Variants in MYO16 observed in about 807,000 individuals in gnomAD.
The protein encoded by MYO16 is unconventional myosin-XVI.
MYO16 carries 94 observed loss-of-function variants against 205.3 expected under a neutral mutation model. The observed-to-expected ratio is 0.46, with a 90% confidence interval of 0.39 to 0.54. MYO16 has a LOEUF of 0.54. Among genes scored for constraint, MYO16 ranks in the 20% least tolerant of loss-of-function variants. The pLI is 0.00. For synonymous variants in MYO16, 988 were observed against 954.0 expected (o/e 1.04, Z -0.66); for missense variants, 2,315 against 2,387.5 (o/e 0.97, Z 0.63).
At chr13:109,119,809 G>A (rs1275563516) in intron 28 of MYO16, among the ~76,000 whole-genome samples, 4 of 152,136 alleles carry the variant, frequency 2.6e-5, no homozygotes, top group Non-Finnish European at 5.9e-5. Context: ...GCTCAAAGAT[G>A]ACTTTCTCAT....
chr13:109,018,803 C>T (rs748157505), intron 22 of MYO16, among the ~76,000 whole-genome samples: 2 of 152,202 alleles, frequency 1.3e-5, no homozygotes, highest in Non-Finnish European at 2.9e-5. Flanking sequence ...CGCTCTGCTT[C>T]AGCTCACCCT....
chr13:108,640,716 G>A (rs1258628219), intron 1 of MYO16, among the ~76,000 whole-genome samples: 1 of 152,160 alleles, frequency 6.6e-6, no homozygotes, highest in East Asian at 1.9e-4. Context: ...AAGGCCATGT[G>A]TTGGGCCTGG....
the MYO16 span, among the ~76,000 whole-genome samples, chr13:108,551,992 G>A: frequency 6.6e-6 from 1 of 152,170 alleles, no homozygotes; most frequent in Admixed American, 6.5e-5. Flanking sequence ...AAATGGGCAA[G>A]TTAACTTCTA....
At chr13:108,785,533 C>G in intron 4 of MYO16, 102 bp from the exon 5 acceptor site, 1 of 606,936 alleles carries the variant, frequency 1.6e-6, no homozygotes, top group Admixed American at 3.3e-5. Flanking sequence ...CTACCGTAGA[C>G]TATTTCTGCA....
chr13:108,539,233 G>T, the MYO16 span, among the ~76,000 whole-genome samples: 1 of 152,044 alleles, frequency 6.6e-6, no homozygotes, highest in Non-Finnish European at 1.5e-5. Flanking sequence ...ATAATTTAAT[G>T]CTCAGACACA....
intron 16 of MYO16, among the ~76,000 whole-genome samples, chr13:108,947,737 G>A (rs563986644): frequency 6.6e-6 from 1 of 152,260 alleles, no homozygotes; most frequent in Admixed American, 6.5e-5. Context: ...TTGGCCATAC[G>A]ATCATTCACT....
intron 1 of MYO16, among the ~76,000 whole-genome samples, chr13:108,661,303 GCTT>G (rs1881490777): frequency 1.3e-5 from 2 of 151,990 alleles, no homozygotes; most frequent in African/African-American, 4.8e-5. Context: ...TGCTCTTTGT[GCTT>G]CTTCTATTTA....
At chr13:108,863,986 C>T (rs1429696032) in intron 11 of MYO16, among the ~76,000 whole-genome samples, 1 of 152,124 alleles carries the variant, frequency 6.6e-6, no homozygotes, top group Non-Finnish European at 1.5e-5. Context: ...ATACCATCTT[C>T]ATCTGTTTTT....
At chr13:109,008,027 A>G (rs1456117515) in intron 21 of MYO16, among the ~76,000 whole-genome samples, 1 of 152,148 alleles carries the variant, frequency 6.6e-6, no homozygotes, top group Non-Finnish European at 1.5e-5. Flanking sequence ...GCTCAAATAT[A>G]TTTGAGACTC....
the MYO16 span, among the ~76,000 whole-genome samples, chr13:108,537,709 G>A: frequency 1.1e-4 from 17 of 152,016 alleles, no homozygotes; most frequent in African/African-American, 2.7e-4. Flanking sequence ...ATTGTGACTG[G>A]TGTGAGATAG....
Position 109,022,670 on chromosome 13 carries a change from A to G in MYO16, c.2796+2759A>G, listed in dbSNP as rs148205268. Among the ~76,000 whole-genome samples the G allele has an allele frequency of 1.5e-3, 90 of 61,560 alleles. 8 individuals are homozygous for G. Among genetic ancestry groups the G allele is most frequent in the African/African-American group, 5.0e-3 (86 of 17,294 alleles). The allele number at this position is 61,560 out of a possible 152,430, so 40.4% of individuals were successfully genotyped here. On this transcript the variant is annotated intron_variant, in intron 23 of 34. Coordinates refer to ENST00000457511, the MANE Select transcript of MYO16 (RefSeq NM_001198950.3). Reference sequence around the variant, plus strand: ...AAACATATGTATATATTTATATATTATATATACACATATAAACATGTATAT... The same window carrying G: ...AAACATATGTATATATTTATATATTGTATATACACATATAAACATGTATAT...
intron 4 of MYO16, among the ~76,000 whole-genome samples, chr13:108,730,206 G>T (rs1318697654): frequency 1.3e-5 from 2 of 152,026 alleles, no homozygotes; most frequent in Non-Finnish European, 2.9e-5. Flanking sequence ...TTCTCATGAC[G>T]GTAAGTTCTC....
At chr13:108,608,825 G>A (rs1342077114) in intron 1 of MYO16, among the ~76,000 whole-genome samples, 1 of 152,006 alleles carries the variant, frequency 6.6e-6, no homozygotes, top group East Asian at 1.9e-4. Context: ...TGTGTTTTTA[G>A]TAAAGACAGG....
chr13:108,673,886 G>A (rs925658469), intron 2 of MYO16, among the ~76,000 whole-genome samples: 1 of 149,520 alleles, frequency 6.7e-6, no homozygotes, highest in African/African-American at 2.5e-5. Context: ...CCATTGATGT[G>A]CCATCACTCC....
At chr13:108,677,356 C>CAT (rs200135645) in intron 2 of MYO16, among the ~76,000 whole-genome samples, 12,230 of 98,254 alleles carry the variant, frequency 0.12, 725 homozygotes, top group South Asian at 0.23. Context: ...TATATATATG[C>CAT]ATATATATAT....
chr13:108,758,161 C>T (rs9587673), intron 4 of MYO16, among the ~76,000 whole-genome samples: 30,967 of 152,148 alleles, frequency 0.2, 3,433 homozygotes, highest in African/African-American at 0.27. Flanking sequence ...GACTTGGTCT[C>T]GGACATCCAG....
intron 24 of MYO16, chr13:109,048,381 C>A (rs375668838): frequency 1.5e-5 from 11 of 745,416 alleles, no homozygotes; most frequent in Non-Finnish European, 2.5e-5. Flanking sequence ...TACAATGTAC[C>A]CTTTTGTATT....
intron 1 of MYO16, among the ~76,000 whole-genome samples, chr13:108,642,575 G>A (rs564794106): frequency 1.9e-4 from 29 of 151,916 alleles, no homozygotes; most frequent in Non-Finnish European, 4.4e-5. Flanking sequence ...GCACCACCAC[G>A]CCCAGCTAAT....
chr13:108,608,079 C>T (rs916367409), intron 1 of MYO16, among the ~76,000 whole-genome samples: 2 of 152,196 alleles, frequency 1.3e-5, no homozygotes, highest in Non-Finnish European at 2.9e-5. Context: ...CTTTGTAATT[C>T]TAACGATCGA....
Sources: gnomAD v4.1 joint callset for allele counts (sites outside exome capture counted in the v4.1 genomes callset) on GRCh38, gnomAD v4.1.1 for gene constraint, MANE v1.5 for transcripts, NCBI Gene and HGNC (gene_info 2026-07-23, HGNC 2026-07-21) for gene names.